The following ENTPD1 variants were observed in gnomAD, a reference collection of about 807,000 sequenced individuals.
ENTPD1 encodes ectonucleoside triphosphate diphosphohydrolase 1, also known as ATP diphosphohydrolase.
In ENTPD1, 33 loss-of-function variants were observed where a neutral mutation model predicts 57.0. The ratio of observed to expected loss-of-function variants is 0.58; its 90% CI spans 0.44 to 0.77. ENTPD1 has a LOEUF of 0.77. ENTPD1 is among the 30% of genes least tolerant of loss of function. The pLI is 0.00. For synonymous variants in ENTPD1, 202 were observed against 218.8 expected (o/e 0.92, Z 0.68); for missense variants, 501 against 603.4 (o/e 0.83, Z 1.78).
At chr10:95,782,670 G>T (rs1007815290) in intron 1 of ENTPD1, among the ~76,000 whole-genome samples, 3 of 152,168 alleles carry the variant, frequency 2.0e-5, no homozygotes, top group South Asian at 2.1e-4. Flanking sequence ...GAAGGAAAAA[G>T]GAAGAGAGAA....
intron 1 of ENTPD1, among the ~76,000 whole-genome samples, chr10:95,796,046 G>T (rs2098224689): frequency 6.6e-6 from 1 of 152,176 alleles, no homozygotes; most frequent in Admixed American, 6.5e-5. Flanking sequence ...ACTAAAAATA[G>T]TGAGAACCAT....
chr10:95,808,417 A>G (rs535585479), intron 1 of ENTPD1, among the ~76,000 whole-genome samples: 87 of 152,284 alleles, frequency 5.7e-4, no homozygotes, highest in African/African-American at 1.9e-3. Context: ...TGGTATCAGG[A>G]TGATGCTCAT....
intron 1 of ENTPD1, among the ~76,000 whole-genome samples, chr10:95,777,987 T>C (rs2098140897): frequency 6.6e-6 from 1 of 152,206 alleles, no homozygotes; most frequent in Non-Finnish European, 1.5e-5. Context: ...TGCCATTTGC[T>C]GAAACTGTTG....
chr10:95,700,602 C>T, the ENTPD1 span, among the ~76,000 whole-genome samples: 3 of 151,968 alleles, frequency 2.0e-5, no homozygotes, highest in South Asian at 2.1e-4. Flanking sequence ...TTGGGAAGAT[C>T]GCTTGCACCC....
intron 1 of ENTPD1, among the ~76,000 whole-genome samples, chr10:95,799,330 A>G (rs748363836): frequency 2.6e-5 from 4 of 152,018 alleles, no homozygotes; most frequent in Non-Finnish European, 5.9e-5. Flanking sequence ...AGTGTGTGTT[A>G]TGCCACTTTA....
intron 1 of ENTPD1, among the ~76,000 whole-genome samples, chr10:95,809,911 G>T (rs556600771): frequency 3.9e-4 from 58 of 147,988 alleles, no homozygotes; most frequent in Admixed American, 7.4e-4. Context: ...CCCAGACGGG[G>T]CAGCTGCCGG....
In ENTPD1 at chr10:95,872,862, T is replaced by G; in HGVS notation, c.*6479T>G. On this transcript the variant is annotated 3_prime_UTR_variant, in exon 10 of 10. Coordinates refer to ENST00000371205, the MANE Select transcript of ENTPD1 (RefSeq NM_001776.6). The stretch of plus-strand genomic sequence containing the variant: ...CAACTCCTGGTTCCCTGATGAAGCT[T>G]TTATTCCCCTAGCCACATGGAACTT... 1.1e-5 allele frequency: 11 copies of G among 985,402 alleles called. No homozygotes were observed. Among genetic ancestry groups the G allele is most frequent in the Non-Finnish European group, 1.3e-5 (11 of 829,926 alleles). 61.0% of individuals were successfully genotyped at this position (985,402 alleles called of 1,614,324 possible).
intron 1 of ENTPD1, among the ~76,000 whole-genome samples, chr10:95,821,462 CT>C (rs2098350774): frequency 6.6e-6 from 1 of 152,182 alleles, no homozygotes; most frequent in Admixed American, 6.5e-5. Flanking sequence ...CCCCAGAAGA[CT>C]TCCTCCACGG....
At chr10:95,703,577 T>A in the ENTPD1 span, among the ~76,000 whole-genome samples, 3 of 150,138 alleles carry the variant, frequency 2.0e-5, no homozygotes, top group African/African-American at 7.4e-5. Context: ...AGGTTAGGAG[T>A]TTGAGGCCAG....
At chr10:95,778,046 C>G (rs564916492) in intron 1 of ENTPD1, among the ~76,000 whole-genome samples, 1 of 152,324 alleles carries the variant, frequency 6.6e-6, no homozygotes, top group African/African-American at 2.4e-5. Flanking sequence ...CAGGTACCAT[C>G]TGTCATGGCT....
intron 1 of ENTPD1, among the ~76,000 whole-genome samples, chr10:95,745,378 G>T (rs1413715150): frequency 6.6e-6 from 1 of 151,982 alleles, no homozygotes; most frequent in Non-Finnish European, 1.5e-5. Context: ...TTAAAGACGA[G>T]ATCCATTATG....
chr10:95,804,056 G>T (rs1329978878), intron 1 of ENTPD1, among the ~76,000 whole-genome samples: 1 of 152,268 alleles, frequency 6.6e-6, no homozygotes, highest in African/African-American at 2.4e-5. Flanking sequence ...TGTTCCATTG[G>T]TCTGTCTCTC....
chr10:95,745,776 TCTGCTGTGCTTGAAG>T (rs1173427579), intron 1 of ENTPD1, among the ~76,000 whole-genome samples: 2 of 152,204 alleles, frequency 1.3e-5, no homozygotes, highest in Non-Finnish European at 2.9e-5. Context: ...TCATTGAGTG[TCTGCTGTGCTTGAAG>T]CTGCTGTGCT....
At chr10:95,769,292 T>C (rs1282441556) in intron 1 of ENTPD1, among the ~76,000 whole-genome samples, 4 of 152,258 alleles carry the variant, frequency 2.6e-5, no homozygotes, top group African/African-American at 9.6e-5. Context: ...CTTAGCAGTT[T>C]TCCTCAGCCT....
chr10:95,750,094 T>A (rs1484923454), intron 1 of ENTPD1, among the ~76,000 whole-genome samples: 1 of 152,118 alleles, frequency 6.6e-6, no homozygotes, highest in Non-Finnish European at 1.5e-5. Context: ...ACTTGGATTG[T>A]AAGGAAAGAG....
In ENTPD1 at chr10:95,870,398, G is replaced by A. The variant is rs2098479116; in HGVS notation, c.*4015G>A. On this transcript the variant is annotated 3_prime_UTR_variant, in exon 10 of 10. Transcript: ENST00000371205. The stretch of plus-strand genomic sequence containing the variant: ...CTCCCAAGCTCAAGCAAGGCTACAG[G>A]TGTGCACCTAAGTAGCTAGGACTAC... 1.3e-6 allele frequency: 1 copy of A among 750,706 alleles called. No homozygotes were observed. Among genetic ancestry groups the A allele is most frequent in the Admixed American group, 6.3e-5 (1 of 15,968 alleles). 46.5% of individuals were successfully genotyped at this position (750,706 alleles called of 1,614,324 possible).
Position 95,852,452 on chromosome 10 carries a change from A to G in ENTPD1, c.1074+4746A>G, listed in dbSNP as rs191380568. 9.3e-3 allele frequency among the ~76,000 whole-genome samples: 1,412 copies of G among 152,218 alleles called. 23 individuals carry two copies. The highest frequency in any genetic ancestry group is 0.031 in the African/African-American group (1,305 of 41,508). On this transcript the variant is annotated intron_variant, in intron 7 of 9. Coordinates refer to ENST00000371205, the MANE Select transcript of ENTPD1 (RefSeq NM_001776.6). ...TAGTTTAATTAGATCCCATTTGTCA[A>G]TTTTGGCTTTTGTTGCCATTGCTTT...
chr10:95,704,260 T>C, the ENTPD1 span, among the ~76,000 whole-genome samples: 1 of 152,176 alleles, frequency 6.6e-6, no homozygotes. Context: ...AGTAAAAATT[T>C]CAGCATTTTT....
At chr10:95,735,671 C>T (rs2097993905) in intron 1 of ENTPD1, among the ~76,000 whole-genome samples, 1 of 152,140 alleles carries the variant, frequency 6.6e-6, no homozygotes, top group South Asian at 2.1e-4. Flanking sequence ...TCTCGGCTCA[C>T]TGCAACCTCC....
Sources: gnomAD v4.1 joint callset for allele counts (sites outside exome capture counted in the v4.1 genomes callset) on GRCh38, gnomAD v4.1.1 for gene constraint, MANE v1.5 for transcripts, NCBI Gene and HGNC (gene_info 2026-07-23, HGNC 2026-07-21) for gene names.